The following TYRO3 variants were observed in gnomAD, a reference collection of about 807,000 sequenced individuals.
TYRO3 encodes the protein tyrosine-protein kinase receptor TYRO3.
Under a neutral mutation model 95.2 loss-of-function variants are expected in TYRO3, and 38 were observed. That is an observed-to-expected ratio of 0.40 (90% CI 0.31 to 0.52). The LOEUF (loss-of-function observed/expected upper bound fraction) is 0.52. Ranked by LOEUF, TYRO3 falls within the 20% of genes least tolerant of loss-of-function variation. The pLI is 0.56. For synonymous variants in TYRO3, 367 were observed against 432.9 expected, an observed-to-expected ratio of 0.85 and a Z score of 1.89; for missense variants, 812 against 1,116.4, an observed-to-expected ratio of 0.73 and a Z score of 3.89.
At chr15:41,560,876 C>T (rs371393854) in intron 1 of TYRO3, among the ~76,000 whole-genome samples, 191 of 151,816 alleles carry the variant, frequency 1.3e-3, no homozygotes, top group African/African-American at 4.3e-3. Context: ...CTTTTGCTGT[C>T]TGGGCTCAGA....
rs1369954740 is a variant in TYRO3 at position 41,565,061 on chromosome 15, A to G, written c.703A>G (p.Lys235Glu). The change falls in exon 6 of 19, where the codon AAG becomes GAG. Residue 235 changes from lysine to glutamate, a missense_variant. Transcript: ENST00000263798. Reference sequence around the variant, plus strand: ...AGCCCCCTTCAACATCACCGTGACAAAGCTTTCCAGCAGCAACGCTAGTGT... The same window carrying G: ...AGCCCCCTTCAACATCACCGTGACAGAGCTTTCCAGCAGCAACGCTAGTGT... ...PAAPFNITVT[K>E]LSSSNASVAW... is the part of the protein sequence containing the mutation. The G allele has an allele frequency of 2.5e-6, 4 of 1,613,056 alleles. No individual in the cohort carries two copies. The highest frequency in any genetic ancestry group is 3.4e-6 in the Non-Finnish European group (4 of 1,179,974).
chr15:41,569,290 A>G (rs1284746026), intron 9 of TYRO3, among the ~76,000 whole-genome samples: 1 of 95,544 alleles, frequency 1.0e-5, no homozygotes, highest in East Asian at 4.5e-4. Context: ...TGTCTCTACA[A>G]AAAAATTAAA....
chr15:41,561,482 C>T (rs2055654697), intron 2 of TYRO3, 57 bp from the exon 3 acceptor site: 5 of 1,355,260 alleles, frequency 3.7e-6, no homozygotes, highest in Non-Finnish European at 5.0e-6. Flanking sequence ...ATCAAGTTTG[C>T]CCAGCAGAGC....
Position 41,561,209 on chromosome 15 carries a change from G to A in TYRO3, c.207G>A (p.Met69Ile). 2 of 1,614,252 alleles carry A rather than the reference G, an allele frequency of 1.2e-6. No individual in the cohort carries two copies. The highest frequency in any genetic ancestry group is 1.7e-6 in the Non-Finnish European group (2 of 1,180,050). ...AGCTCAACTGCAGTGTGGAGGGGATGGAGGAGCCTGACATCCAGTGGGTGA... is the reference window on the plus strand; with the variant it reads ...AGCTCAACTGCAGTGTGGAGGGGATAGAGGAGCCTGACATCCAGTGGGTGA... ...PVKLNCSVEG[M>I]EEPDIQWVKD... Residue 69 changes from methionine to isoleucine, a missense_variant, in exon 2 of 19, where the codon ATG (methionine) becomes ATA (isoleucine). Coordinates refer to ENST00000263798, the MANE Select transcript of TYRO3 (RefSeq NM_006293.4).
At position 41,568,747 on chromosome 15, in the gene TYRO3, T is replaced by C. The variant is rs566030910; in HGVS notation, c.1108-131T>C. On this transcript the variant is annotated intron_variant, in intron 8 of 18. Transcript: ENST00000263798. ...TGTGATTACTCCCAGAAGGTTGTGT[T>C]CCTGCAGCCCCTGAACCCACAGTGC... is the stretch of plus-strand genomic sequence containing the variant. 9.2e-6 allele frequency: 10 copies of C among 1,083,186 alleles called. No homozygotes were observed. The East Asian group carries it at 2.6e-4, about 28-fold the overall frequency. 67.1% of individuals were successfully genotyped at this position (1,083,186 alleles called of 1,614,324 possible). A position where few individuals can be genotyped will look rare whatever the true frequency, so the allele number is the denominator to read the frequency against.
At chr15:41,562,386 G>T in intron 3 of TYRO3, 162 bp from the exon 4 acceptor site, 1 of 391,172 alleles carries the variant, frequency 2.6e-6, no homozygotes, top group Non-Finnish European at 4.4e-6. Flanking sequence ...GAGAAGCACC[G>T]CCTACCTCTC....
chr15:41,581,007 A>G lies in TYRO3; in HGVS notation c.*2731A>G, dbSNP rs574533139. The G allele has an allele frequency of 1.3e-5, 2 of 152,126 alleles. No individual in the cohort carries two copies. The highest frequency in any genetic ancestry group is 4.8e-5 in the African/African-American group (2 of 41,420). The allele number at this position is 152,126 out of a possible 1,614,324, so 9.4% of individuals were successfully genotyped here. ...GGAGTTCGAGACCAGCCTGGGCAACATGAAACCCCATCTCAACTAAAAATT... is the reference window on the plus strand; with the variant it reads ...GGAGTTCGAGACCAGCCTGGGCAACGTGAAACCCCATCTCAACTAAAAATT... On this transcript the variant is annotated 3_prime_UTR_variant, in exon 19 of 19. Transcript: ENST00000263798.
At chr15:41,569,636 G>A (rs2055769370) in intron 9 of TYRO3, among the ~76,000 whole-genome samples, 2 of 151,276 alleles carry the variant, frequency 1.3e-5, no homozygotes, top group Non-Finnish European at 2.9e-5. Flanking sequence ...GTGTGATGTT[G>A]CACACCTGTA....
chr15:41,580,938 C>A lies in TYRO3; in HGVS notation c.*2662C>A, dbSNP rs2055916252. On this transcript the variant is annotated 3_prime_UTR_variant, in exon 19 of 19. Coordinates refer to ENST00000263798, the MANE Select transcript of TYRO3 (RefSeq NM_006293.4). ...TGAGACACCATACCCAGCTTGTAAT[C>A]CCAGCACTTTGGGAGGCTGAGGCGG... 6.6e-6 allele frequency: 1 copy of A among 152,070 alleles called. No homozygotes were observed. The highest frequency in any genetic ancestry group is 2.4e-5 in the African/African-American group (1 of 41,408). The allele number at this position is 152,070 out of a possible 1,614,324, so 9.4% of individuals were successfully genotyped here. A position where few individuals can be genotyped will look rare whatever the true frequency, so the allele number is the denominator to read the frequency against.
At chr15:41,559,432 C>A in intron 1 of TYRO3, 51 bp downstream of exon 1, 1 of 219,968 alleles carries the variant, frequency 4.5e-6, no homozygotes, top group East Asian at 5.9e-5. Context: ...CGGAGGGGCG[C>A]GGCCGGGGGT....
At chr15:41,577,579 C>G (rs534640324) in intron 18 of TYRO3, 1 of 196,600 alleles carries the variant, frequency 5.1e-6, no homozygotes, top group African/African-American at 2.3e-5. Flanking sequence ...ATCTGCCTGC[C>G]TTGGCCTCCC....
Position 41,565,147 on chromosome 15 carries a change from C to T in TYRO3, c.783+6C>T. 1 of 1,297,002 alleles carries T rather than the reference C, an allele frequency of 7.7e-7. No individual in the cohort carries two copies. The highest frequency in any genetic ancestry group is 1.1e-6 in the Non-Finnish European group (1 of 897,430). The allele number at this position is 1,297,002 out of a possible 1,614,324, so 80.3% of individuals were successfully genotyped here. ...TACAGTCCTGTACAGTTCAGGTAGG[C>T]TCTCCGGGCCGGGCCATGCTCGTTC... On this transcript the variant is annotated splice_donor_region_variant and intron_variant, in intron 6 of 18. Coordinates refer to ENST00000263798, the MANE Select transcript of TYRO3 (RefSeq NM_006293.4).
intron 14 of TYRO3, 137 bp downstream of exon 14, chr15:41,571,824 T>TG (rs2055799912): frequency 1.7e-6 from 1 of 598,564 alleles, no homozygotes; most frequent in African/African-American, 1.9e-5. Context: ...AGGAGGGTCC[T>TG]GGCAGAAATC....
In TYRO3 at chr15:41,573,431, C is replaced by T. The variant is rs929419054; in HGVS notation, c.2109C>T (p.Ser703=). 1.5e-5 allele frequency: 25 copies of T among 1,614,250 alleles called. No homozygotes were observed. The highest frequency in any genetic ancestry group is 1.9e-5 in the Non-Finnish European group (23 of 1,180,046). Residue 703 remains serine (S), a synonymous_variant, in exon 17 of 19, where the codon AGC becomes AGT. Coordinates refer to ENST00000263798, the MANE Select transcript of TYRO3 (RefSeq NM_006293.4). ...CTGTCAAGTGGCTGGCCCTGGAGAG[C>T]CTGGCCGACAACCTGTATACTGTGC... ...KLPVKWLALE[S]LADNLYTVQS... is the part of the protein sequence containing the mutation.
chr15:41,572,872 C>T (rs2055814800), intron 15 of TYRO3, 130 bp from the exon 16 acceptor site: 2 of 789,226 alleles, frequency 2.5e-6, no homozygotes, highest in Non-Finnish European at 4.0e-6. Flanking sequence ...CTTGGGAAGG[C>T]CCTCCATCCC....
At chr15:41,564,399 T>A in intron 5 of TYRO3, 129 bp downstream of exon 5, 1 of 855,772 alleles carries the variant, frequency 1.2e-6, no homozygotes, top group Non-Finnish European at 1.9e-6. Flanking sequence ...AGCAAGGGGT[T>A]AATTGGCATA....
At position 41,581,598 on chromosome 15, in the gene TYRO3, G is replaced by C. The variant is rs569695302; in HGVS notation, c.*3322G>C. On this transcript the variant is annotated 3_prime_UTR_variant, in exon 19 of 19. Transcript: ENST00000263798. ...TCCCAGCACTTTGTGAGGCTGAGGC[G>C]GGTGGATCACCTGAGGTCAGGGGTT... The C allele has an allele frequency of 1.3e-5, 2 of 152,006 alleles. 1 individual carries two copies. The highest frequency in any genetic ancestry group is 1.3e-4 in the Admixed American group (2 of 15,252). 9.4% of individuals were successfully genotyped at this position (152,006 alleles called of 1,614,324 possible). A position where few individuals can be genotyped will look rare whatever the true frequency, so the allele number is the denominator to read the frequency against.
intron 1 of TYRO3, among the ~76,000 whole-genome samples, chr15:41,560,480 A>G (rs1300117165): frequency 2.7e-5 from 4 of 149,622 alleles, no homozygotes; most frequent in African/African-American, 7.4e-5. Context: ...GCCCCTGTTA[A>G]TGTGGCAGTG....
chr15:41,575,835 C>T (rs1331622610), intron 18 of TYRO3, among the ~76,000 whole-genome samples: 3 of 152,132 alleles, frequency 2.0e-5, no homozygotes, highest in Admixed American at 6.5e-5. Context: ...GCATTCCTGG[C>T]AGGGGACGGT....
Sources: allele counts gnomAD v4.1 joint callset (sites outside exome capture counted in the v4.1 genomes callset), GRCh38; gene constraint gnomAD v4.1.1; transcripts MANE v1.5; gene names NCBI Gene and HGNC (gene_info 2026-07-23, HGNC 2026-07-21).